TMTC2: variants seen among roughly 807,000 people sequenced by gnomAD.
The protein encoded by TMTC2 is protein O-mannosyl-transferase TMTC2.
Under a neutral mutation model 82.4 loss-of-function variants are expected in TMTC2, and 43 were observed. The ratio of observed to expected loss-of-function variants is 0.52; its 90% CI spans 0.41 to 0.67. TMTC2 has a LOEUF of 0.67. Ranked by LOEUF, TMTC2 falls within the 30% of genes least tolerant of loss-of-function variation. The pLI is 0.00. For synonymous variants in TMTC2, 408 were observed against 381.9 expected (o/e 1.07, Z -0.80); for missense variants, 919 against 1,012.4 (o/e 0.91, Z 1.25).
At chr12:82,808,781 T>C (rs1204126501) in intron 1 of TMTC2, among the ~76,000 whole-genome samples, 1 of 152,078 alleles carries the variant, frequency 6.6e-6, no homozygotes, top group African/African-American at 2.4e-5. Context: ...GGGATTAGTT[T>C]TTATTTTGTA....
chr12:83,045,736 C>CACACACACACACACACACAG (rs1565867393), intron 9 of TMTC2, among the ~76,000 whole-genome samples: 1 of 151,248 alleles, frequency 6.6e-6, no homozygotes, highest in Non-Finnish European at 1.5e-5. Flanking sequence ...CGCACACACA[C>CACACACACACACACACACAG]ACACACACAC....
At chr12:82,906,655 C>G (rs1874328550) in intron 3 of TMTC2, among the ~76,000 whole-genome samples, 1 of 152,156 alleles carries the variant, frequency 6.6e-6, no homozygotes, top group Non-Finnish European at 1.5e-5. Context: ...TGCCATTGCA[C>G]TCCAGCCTGG....
At position 82,802,990 on chromosome 12, in the gene TMTC2, G is replaced by A. The variant is rs74561614; in HGVS notation, c.84-54020G>A. Among the ~76,000 whole-genome samples, 1,333 of 152,246 alleles carry A rather than the reference G, an allele frequency of 8.8e-3. 15 individuals are homozygous for A. Among genetic ancestry groups the A allele is most frequent in the Non-Finnish European group, 0.013 (864 of 68,018 alleles). ...CGGAATGTAGAGAGAATGACAAGATGTGTGACATATTGTAAAAGTGTTATC... is the reference window on the plus strand; with the variant it reads ...CGGAATGTAGAGAGAATGACAAGATATGTGACATATTGTAAAAGTGTTATC... On this transcript the variant is annotated intron_variant, in intron 1 of 11. Coordinates refer to ENST00000321196, the MANE Select transcript of TMTC2 (RefSeq NM_152588.3).
intron 4 of TMTC2, among the ~76,000 whole-genome samples, chr12:82,957,521 C>A (rs1214129186): frequency 2.0e-5 from 3 of 151,882 alleles, no homozygotes; most frequent in Non-Finnish European, 4.4e-5. Flanking sequence ...AAGGAAATAA[C>A]AAAAGTCAAA....
At chr12:82,697,591 T>C (rs1872872500) in intron 1 of TMTC2, among the ~76,000 whole-genome samples, 2 of 152,226 alleles carry the variant, frequency 1.3e-5, no homozygotes, top group Non-Finnish European at 2.9e-5. Flanking sequence ...AACAACGGCA[T>C]CTTTAAGTTG....
chr12:83,088,835 G>T (rs891487140), intron 11 of TMTC2, among the ~76,000 whole-genome samples: 6 of 152,168 alleles, frequency 3.9e-5, no homozygotes, highest in African/African-American at 1.4e-4. Flanking sequence ...AAAGTCAAGG[G>T]AGCTGAGGGG....
At chr12:82,745,238 A>G (rs1875625851) in intron 1 of TMTC2, among the ~76,000 whole-genome samples, 1 of 152,116 alleles carries the variant, frequency 6.6e-6, no homozygotes, top group Admixed American at 6.6e-5. Context: ...CGTACATCAC[A>G]TGATGATTAC....
intron 1 of TMTC2, among the ~76,000 whole-genome samples, chr12:82,743,923 T>C (rs1280960898): frequency 6.6e-6 from 1 of 152,208 alleles, no homozygotes; most frequent in Non-Finnish European, 1.5e-5. Flanking sequence ...TATGTTTTAA[T>C]TTTTGTATGA....
rs57604518 is a variant in TMTC2, at chr12:83,032,257, TTATATATATATA to T, written c.2152+1405_2152+1416del. Among the ~76,000 whole-genome samples the T allele has an allele frequency of 1.9e-3, 255 of 130,830 alleles. 2 individuals are homozygous for T. Among genetic ancestry groups the T allele is most frequent in the Middle Eastern group, 4.5e-3 (1 of 222 alleles). 85.8% of individuals were successfully genotyped at this position (130,830 alleles called of 152,430 possible). On this transcript the variant is annotated intron_variant, in intron 9 of 11. Transcript: ENST00000321196. ...TTCCTATAATATTATAGAGAATATT[TTATATATATATA>T]TATATATATATATATATATATATAT... is the stretch of plus-strand genomic sequence containing the variant.
chr12:82,852,339 C>T (rs1178789843), intron 1 of TMTC2, among the ~76,000 whole-genome samples: 1 of 151,992 alleles, frequency 6.6e-6, no homozygotes, highest in African/African-American at 2.4e-5. Context: ...GATCTCCTGA[C>T]CTCGTGATCC....
chr12:82,792,730 C>G (rs1014154300), intron 1 of TMTC2, among the ~76,000 whole-genome samples: 2 of 152,098 alleles, frequency 1.3e-5, no homozygotes, highest in African/African-American at 4.8e-5. Context: ...CTTAGCCTCT[C>G]AAAGTGCTGG....
At position 82,965,742 on chromosome 12, in the gene TMTC2, G is replaced by A. The variant is rs1878172775; in HGVS notation, c.1867G>A (p.Glu623Lys). 3 of 1,613,548 alleles carry A rather than the reference G, an allele frequency of 1.9e-6. No homozygotes were observed. Among genetic ancestry groups the A allele is most frequent in the Non-Finnish European group, 2.5e-6 (3 of 1,179,830 alleles). Residue 623 changes from glutamate to lysine, a missense_variant and splice_region_variant, in exon 6 of 12, where the codon GAG (glutamate) becomes AAG (lysine). By Grantham distance (56) the Glu-to-Lys change is moderately conservative. Coordinates refer to ENST00000321196, the MANE Select transcript of TMTC2 (RefSeq NM_152588.3). ...GKLYHEQGHY[E>K]EALSVYKEAI... The stretch of plus-strand genomic sequence containing the variant: ...GCTGTATCATGAGCAGGGACACTAT[G>A]AGGTCTGGCCAATGCCTCTCTGTCC...
At chr12:82,899,600 T>C (rs187166581) in intron 3 of TMTC2, among the ~76,000 whole-genome samples, 4,574 of 128,616 alleles carry the variant, frequency 0.036, 281 homozygotes, top group African/African-American at 0.11. Flanking sequence ...AATATATATA[T>C]GTGGAATATA....
chr12:82,822,837 C>T (rs558596423), intron 1 of TMTC2, among the ~76,000 whole-genome samples: 12 of 152,240 alleles, frequency 7.9e-5, no homozygotes, highest in South Asian at 6.2e-4. Context: ...TAGCTGGGCA[C>T]GCTGCAGTAC....
chr12:83,081,392 A>G (rs11115570), intron 11 of TMTC2, among the ~76,000 whole-genome samples: 58,809 of 152,032 alleles, frequency 0.39, 11,413 homozygotes, highest in Middle Eastern at 0.43. Context: ...AAGCTAAATG[A>G]TGTAGTGAAA....
chr12:82,792,132 C>A (rs1242163674), intron 1 of TMTC2, among the ~76,000 whole-genome samples: 2 of 151,156 alleles, frequency 1.3e-5, no homozygotes, highest in African/African-American at 4.9e-5. Flanking sequence ...CTGTGGTGTT[C>A]AGATGTGTCC....
intron 7 of TMTC2, among the ~76,000 whole-genome samples, chr12:82,968,986 CCAAT>C (rs935259120): frequency 1.3e-5 from 2 of 152,084 alleles, no homozygotes; most frequent in African/African-American, 4.8e-5. Flanking sequence ...GGTCTGCTAG[CCAAT>C]CAAGTTTTAT....
At position 82,977,530 on chromosome 12, in the gene TMTC2, A is replaced by G. The variant is rs546984483; in HGVS notation, c.1949-8395A>G. On this transcript the variant is annotated intron_variant, in intron 7 of 11. Coordinates refer to ENST00000321196, the MANE Select transcript of TMTC2 (RefSeq NM_152588.3). Reference sequence around the variant, plus strand: ...TAATAGTTGATCTAGACAATTGAGTAAATCTTTGGGAAAGAATAACATCAG... The same window carrying G: ...TAATAGTTGATCTAGACAATTGAGTGAATCTTTGGGAAAGAATAACATCAG... Among the ~76,000 whole-genome samples the G allele has an allele frequency of 3.3e-5, 5 of 152,020 alleles. No individual in the cohort carries two copies. The South Asian group carries it at 1.0e-3, about 31-fold the overall frequency.
At chr12:82,927,545 G>T (rs748778128) in intron 3 of TMTC2, among the ~76,000 whole-genome samples, 11 of 152,110 alleles carry the variant, frequency 7.2e-5, no homozygotes, top group Non-Finnish European at 1.6e-4. Flanking sequence ...GCAGTTGCAG[G>T]GTTTGAAAGG....
Sources: allele counts gnomAD v4.1 joint callset (sites outside exome capture counted in the v4.1 genomes callset), GRCh38; gene constraint gnomAD v4.1.1; transcripts MANE v1.5; gene names NCBI Gene and HGNC (gene_info 2026-07-23, HGNC 2026-07-21).